Variants in SGCZ observed in about 807,000 individuals in gnomAD.
The protein encoded by SGCZ is sarcoglycan zeta.
A neutral mutation model predicts 41.3 loss-of-function variants in SGCZ; 40 were observed. That is an observed-to-expected ratio of 0.97 (90% CI 0.75 to 1.26). SGCZ has a LOEUF of 1.26. Ranked by LOEUF, SGCZ falls within the 50% of genes most tolerant of loss-of-function variation. The probability of loss-of-function intolerance (pLI) is 0.00; values close to 1 mark genes in which losing one functional copy is unlikely to be tolerated. For synonymous variants in SGCZ, 206 were observed against 137.5 expected (o/e 1.50, Z -3.49); for missense variants, 552 against 369.8 (o/e 1.49, Z -4.04).
rs1016058944 is a variant in SGCZ, at chr8:14,996,909, C to A, written c.39+240676G>T. Among the ~76,000 whole-genome samples the A allele has an allele frequency of 9.9e-5, 15 of 152,188 alleles. 1 individual carries two copies. The highest frequency in any genetic ancestry group is 3.6e-4 in the African/African-American group (15 of 41,440). The stretch of plus-strand genomic sequence containing the variant: ...CTTCTACAATTCAGTCAGTTATTTG[C>A]AGTTTACCCCTAGTTATTCGTGGGT... On this transcript the variant is annotated intron_variant, in intron 1 of 7. Coordinates refer to ENST00000382080, the MANE Select transcript of SGCZ (RefSeq NM_139167.4).
chr8:14,766,439 T>C (rs1416439322), intron 1 of SGCZ, among the ~76,000 whole-genome samples: 1 of 152,146 alleles, frequency 6.6e-6, no homozygotes, highest in Non-Finnish European at 1.5e-5. Flanking sequence ...AAAGATAGGA[T>C]TATATCTTCA....
At chr8:14,790,960 G>C (rs1332477346) in intron 1 of SGCZ, among the ~76,000 whole-genome samples, 1 of 151,392 alleles carries the variant, frequency 6.6e-6, no homozygotes, top group African/African-American at 2.4e-5. Context: ...GAACACGGGA[G>C]GCAAAGGTTG....
At chr8:14,496,854 TAA>T (rs1446281299) in intron 2 of SGCZ, among the ~76,000 whole-genome samples, 1 of 152,230 alleles carries the variant, frequency 6.6e-6, no homozygotes, top group East Asian at 1.9e-4. Context: ...ACATTTTTCT[TAA>T]AGAGTATTAT....
intron 1 of SGCZ, among the ~76,000 whole-genome samples, chr8:14,929,899 T>G (rs1799878026): frequency 1.3e-5 from 2 of 152,012 alleles, no homozygotes; most frequent in South Asian, 4.1e-4. Context: ...TACCAAACAA[T>G]TATGGCCAGG....
At chr8:15,043,205 G>T (rs7838801) in intron 1 of SGCZ, among the ~76,000 whole-genome samples, 1 of 152,240 alleles carries the variant, frequency 6.6e-6, no homozygotes, top group East Asian at 1.9e-4. Flanking sequence ...AGTAAAATAA[G>T]CATTTATTTG....
intron 2 of SGCZ, among the ~76,000 whole-genome samples, chr8:14,397,810 G>A (rs1469657156): frequency 1.3e-5 from 2 of 152,006 alleles, no homozygotes; most frequent in African/African-American, 2.4e-5. Flanking sequence ...AGGGTACATC[G>A]AAGGTCTTCC....
intron 1 of SGCZ, among the ~76,000 whole-genome samples, chr8:15,221,415 C>G (rs138152780): frequency 1.3e-5 from 2 of 152,096 alleles, no homozygotes; most frequent in Admixed American, 1.3e-4. Context: ...CTCTGATCTG[C>G]CTCATTCTTC....
At chr8:14,314,782 T>G (rs1801660580) in intron 3 of SGCZ, among the ~76,000 whole-genome samples, 1 of 152,136 alleles carries the variant, frequency 6.6e-6, no homozygotes, top group Non-Finnish European at 1.5e-5. Flanking sequence ...TGGACCCAGT[T>G]AAAGATGTCT....
intron 2 of SGCZ, among the ~76,000 whole-genome samples, chr8:14,330,446 G>A (rs1488240678): frequency 6.6e-6 from 1 of 151,492 alleles, no homozygotes; most frequent in Non-Finnish European, 1.5e-5. Context: ...TCTTTTTTTT[G>A]ACAAAGTAGA....
chr8:14,134,396 T>C (rs935279585), intron 5 of SGCZ, among the ~76,000 whole-genome samples: 24 of 152,208 alleles, frequency 1.6e-4, no homozygotes, highest in African/African-American at 5.8e-4. Flanking sequence ...CAAGTAATTC[T>C]ATACTATGAA....
intron 2 of SGCZ, among the ~76,000 whole-genome samples, chr8:14,476,211 T>A (rs1017547888): frequency 6.6e-6 from 1 of 152,078 alleles, no homozygotes; most frequent in Non-Finnish European, 1.5e-5. Flanking sequence ...GAATCTGTAG[T>A]CAAGAATCAG....
chr8:14,854,302 C>T (rs1803464320), intron 1 of SGCZ, among the ~76,000 whole-genome samples: 1 of 151,362 alleles, frequency 6.6e-6, no homozygotes, highest in Non-Finnish European at 1.5e-5. Flanking sequence ...ATTTCATTCG[C>T]AATTCACAAA....
chr8:14,221,060 G>C (rs1052036126), intron 4 of SGCZ, among the ~76,000 whole-genome samples: 1 of 152,020 alleles, frequency 6.6e-6, no homozygotes, highest in Non-Finnish European at 1.5e-5. Context: ...GGTAACTCAT[G>C]AAATACAGAG....
In SGCZ at chr8:14,573,316, G is replaced by T. The variant is rs1030218698; in HGVS notation, c.40-18390C>A. Reference sequence around the variant, plus strand: ...GGGTTCAAGCCGTTCTCCGGCCTCAGCCTCCGGAGTAGCTGGGACTACAGG... The same window carrying T: ...GGGTTCAAGCCGTTCTCCGGCCTCATCCTCCGGAGTAGCTGGGACTACAGG... On this transcript the variant is annotated intron_variant, in intron 1 of 7. Coordinates refer to ENST00000382080, the MANE Select transcript of SGCZ (RefSeq NM_139167.4). Among the ~76,000 whole-genome samples the T allele has an allele frequency of 3.4e-5, 5 of 147,672 alleles. No homozygotes were observed. In the Admixed American group the frequency reaches 3.5e-4, roughly 10 times the overall value.
In SGCZ at chr8:14,088,161, GAATTAGAACTTGA is replaced by G. The variant is rs949208245; in HGVS notation, c.*2269_*2281del. 1.9e-4 allele frequency among the ~76,000 whole-genome samples: 28 copies of G among 150,964 alleles called. No homozygotes were observed. The highest frequency in any genetic ancestry group is 7.4e-5 in the Non-Finnish European group (5 of 67,636). On this transcript the variant is annotated 3_prime_UTR_variant, in exon 8 of 8. Coordinates refer to ENST00000382080, the MANE Select transcript of SGCZ (RefSeq NM_139167.4). Reference sequence around the variant, plus strand: ...TTTTGTAATTTTGAAATTAGAACTTGAATTAGAACTTGAAATTAGAACATGTTGGAACAGAAAG... The same window carrying G: ...TTTTGTAATTTTGAAATTAGAACTTGAATTAGAACATGTTGGAACAGAAAG...
chr8:14,756,185 A>T (rs1405620487), intron 1 of SGCZ, among the ~76,000 whole-genome samples: 1 of 136,146 alleles, frequency 7.3e-6, no homozygotes, highest in Non-Finnish European at 1.6e-5. Flanking sequence ...GTAGAAGTAA[A>T]TTTTTTTTTT....
At chr8:15,016,571 T>C (rs1290537801) in intron 1 of SGCZ, among the ~76,000 whole-genome samples, 1 of 152,210 alleles carries the variant, frequency 6.6e-6, no homozygotes, top group Non-Finnish European at 1.5e-5. Context: ...GCTCATTGAA[T>C]GTATTCCCAG....
chr8:14,975,809 A>ATATATGTG (rs1181919961), intron 1 of SGCZ, among the ~76,000 whole-genome samples: 3 of 131,898 alleles, frequency 2.3e-5, no homozygotes, highest in African/African-American at 6.8e-5. Context: ...ATATATATAT[A>ATATATGTG]TGTGTGTGTG....
intron 1 of SGCZ, among the ~76,000 whole-genome samples, chr8:15,237,252 G>GT (rs1802157538): frequency 6.7e-6 from 1 of 149,912 alleles, no homozygotes; most frequent in African/African-American, 2.5e-5. Flanking sequence ...TGGTGCCGCT[G>GT]CCCCCCCCGG....
Sources: gnomAD v4.1 joint callset for allele counts (sites outside exome capture counted in the v4.1 genomes callset) on GRCh38, gnomAD v4.1.1 for gene constraint, MANE v1.5 for transcripts, NCBI Gene and HGNC (gene_info 2026-07-23, HGNC 2026-07-21) for gene names.